Variants in SEMA3A observed in about 807,000 individuals in gnomAD.
The protein encoded by SEMA3A is semaphorin 3A.
Under a neutral mutation model 97.9 loss-of-function variants are expected in SEMA3A, and 29 were observed. The ratio of observed to expected loss-of-function variants is 0.30; its 90% confidence interval spans 0.22 to 0.40. The LOEUF (loss-of-function observed/expected upper bound fraction) is 0.40. SEMA3A is among the 10% of genes least tolerant of loss of function. The pLI is 1.00. For synonymous variants in SEMA3A, 321 were observed against 323.7 expected (o/e 0.99, Z 0.09); for missense variants, 763 against 951.3 (o/e 0.80, Z 2.60).
chr7:84,261,034 G>C (rs507352), intron 3 of SEMA3A, among the ~76,000 whole-genome samples: 55,510 of 151,900 alleles, frequency 0.37, 11,135 homozygotes, highest in Non-Finnish European at 0.46. Context: ...AAACCCCCCA[G>C]ATTCAGCCCA....
chr7:84,137,965 A>C (rs1410002031), intron 1 of SEMA3A, among the ~76,000 whole-genome samples: 1 of 152,168 alleles, frequency 6.6e-6, no homozygotes, highest in African/African-American at 2.4e-5. Context: ...CAAGTTCCTT[A>C]AACTCCCTGG....
intron 2 of SEMA3A, among the ~76,000 whole-genome samples, chr7:84,319,023 C>A (rs1801582572): frequency 6.6e-6 from 1 of 152,128 alleles, no homozygotes; most frequent in East Asian, 1.9e-4. Flanking sequence ...TATTACTGGA[C>A]ATTTATTATA....
intron 1 of SEMA3A, among the ~76,000 whole-genome samples, chr7:84,185,056 G>T (rs1396306263): frequency 6.6e-6 from 1 of 152,010 alleles, no homozygotes; most frequent in Non-Finnish European, 1.5e-5. Flanking sequence ...CTAATAACTG[G>T]TGTTTTAATT....
chr7:84,042,528 C>A (rs943186925), intron 6 of SEMA3A, among the ~76,000 whole-genome samples: 1 of 151,978 alleles, frequency 6.6e-6, no homozygotes, highest in Non-Finnish European at 1.5e-5. Context: ...CGTGCTCCAC[C>A]CAACAGAAGT....
rs1020001219 is a variant in SEMA3A at position 84,175,162 on chromosome 7, T to C, written c.112+19313A>G. Among the ~76,000 whole-genome samples the C allele has an allele frequency of 6.6e-5, 10 of 152,236 alleles. 1 individual carries two copies. In the South Asian group the frequency reaches 1.4e-3, roughly 22 times the overall value. ...ATTCTAGCTTTTTTCCTACTGCTTG[T>C]TCTACTTTGAGCCTTGGTTTCCTTA... On this transcript the variant is annotated intron_variant, in intron 1 of 16. Coordinates refer to ENST00000265362, the MANE Select transcript of SEMA3A (RefSeq NM_006080.3).
chr7:84,276,629 T>C (rs973417659), intron 3 of SEMA3A, among the ~76,000 whole-genome samples: 5 of 152,122 alleles, frequency 3.3e-5, no homozygotes, highest in African/African-American at 1.2e-4. Flanking sequence ...CCATTTGACA[T>C]GGTTCATTCC....
At position 83,975,209 on chromosome 7, in the gene SEMA3A, C is replaced by T. The variant is rs575514862; in HGVS notation, c.1717+1923G>A. On this transcript the variant is annotated intron_variant, in intron 15 of 16. Coordinates refer to ENST00000265362, the MANE Select transcript of SEMA3A (RefSeq NM_006080.3). ...GTTTTTCCCCATATATATTTACACTCATAACTCTAGCATGAATATAATTTT... is the reference window on the plus strand; with the variant it reads ...GTTTTTCCCCATATATATTTACACTTATAACTCTAGCATGAATATAATTTT... Among the ~76,000 whole-genome samples the T allele has an allele frequency of 2.6e-5, 4 of 152,150 alleles. 1 individual carries two copies. In the South Asian group the frequency reaches 8.3e-4, roughly 32 times the overall value.
At chr7:84,395,923 A>C (rs1223637847) in intron 1 of SEMA3A, among the ~76,000 whole-genome samples, 1 of 152,314 alleles carries the variant, frequency 6.6e-6, no homozygotes, top group Non-Finnish European at 1.5e-5. Context: ...GTACAGATTT[A>C]GAAAGAAATC....
chr7:84,442,840 A>G (rs1280579765), intron 1 of SEMA3A, among the ~76,000 whole-genome samples: 1 of 152,154 alleles, frequency 6.6e-6, no homozygotes, highest in Non-Finnish European at 1.5e-5. Context: ...AATATCAGAC[A>G]AAATGGACTA....
At chr7:84,212,628 TTCC>T in intron 3 of SEMA3A, among the ~76,000 whole-genome samples, 1 of 152,304 alleles carries the variant, frequency 6.6e-6, no homozygotes, top group East Asian at 1.9e-4. Context: ...TAGAAAGTGT[TTCC>T]TCTGTTGGAG....
intron 1 of SEMA3A, among the ~76,000 whole-genome samples, chr7:84,457,490 C>T (rs1220525979): frequency 3.3e-5 from 5 of 151,704 alleles, no homozygotes; most frequent in African/African-American, 7.3e-5. Flanking sequence ...ATAGTGCTTA[C>T]GTTATAAAAT....
rs547394971 is a variant in SEMA3A at position 84,408,334 on chromosome 7, C to T, written c.-245-36434G>A. 2.5e-3 allele frequency among the ~76,000 whole-genome samples: 373 copies of T among 152,140 alleles called. 1 individual carries two copies. The highest frequency in any genetic ancestry group is 8.6e-3 in the African/African-American group (357 of 41,508). Reference sequence around the variant, plus strand: ...CCATCAGAGAAATGCAAATCAAAACCACAATGAGATATCATCTCACACCAG... The same window carrying T: ...CCATCAGAGAAATGCAAATCAAAACTACAATGAGATATCATCTCACACCAG... On this transcript the variant is annotated intron_variant, in intron 1 of 3. Coordinates refer to the SEMA3A transcript ENST00000424555.
chr7:84,151,306 C>T (rs1474901531), intron 1 of SEMA3A, among the ~76,000 whole-genome samples: 5 of 151,348 alleles, frequency 3.3e-5, no homozygotes, highest in Non-Finnish European at 5.9e-5. Context: ...TACGGGAGGA[C>T]ATTCAAACCA....
At chr7:84,018,072 T>C (rs965601277) in intron 6 of SEMA3A, among the ~76,000 whole-genome samples, 5 of 152,220 alleles carry the variant, frequency 3.3e-5, no homozygotes, top group African/African-American at 1.2e-4. Flanking sequence ...TATAGATTTA[T>C]TATCAACAAC....
chr7:84,353,274 A>G (rs1161709167), intron 2 of SEMA3A, among the ~76,000 whole-genome samples: 1 of 151,798 alleles, frequency 6.6e-6, no homozygotes, highest in African/African-American at 2.4e-5. Context: ...CCATGGATGC[A>G]GAACCCATGG....
intron 2 of SEMA3A, 106 bp downstream of exon 2, chr7:84,134,688 T>A: frequency 1.1e-6 from 1 of 870,112 alleles, no homozygotes; most frequent in Non-Finnish European, 1.7e-6. Context: ...AACTATTAAT[T>A]CAAAACAATT....
intron 3 of SEMA3A, among the ~76,000 whole-genome samples, chr7:84,245,976 T>G (rs1404762246): frequency 1.3e-5 from 2 of 152,204 alleles, no homozygotes. Flanking sequence ...CCCCAGGTGC[T>G]CTGTCCCAGG....
In SEMA3A at chr7:84,194,421, AG is replaced by A. The variant is rs67227861; in HGVS notation, c.112+53del. Reference sequence around the variant, plus strand: ...GGTTGGGAGGGAGTTCAAGGAATTAAGGGGGGGGGCGGTTATTACAAAGCTA... The same window carrying A: ...GGTTGGGAGGGAGTTCAAGGAATTAAGGGGGGGGCGGTTATTACAAAGCTA... On this transcript the variant is annotated intron_variant, in intron 1 of 16. Coordinates refer to ENST00000265362, the MANE Select transcript of SEMA3A (RefSeq NM_006080.3). 0.55 allele frequency: 625,574 copies of A among 1,135,188 alleles called. 173,913 individuals carry two copies. Among genetic ancestry groups the A allele is most frequent in the Middle Eastern group, 0.59 (2,945 of 4,978 alleles). The allele number at this position is 1,135,188 out of a possible 1,614,324, so 70.3% of individuals were successfully genotyped here.
intron 6 of SEMA3A, among the ~76,000 whole-genome samples, chr7:84,037,390 T>C (rs917984500): frequency 1.3e-5 from 2 of 152,066 alleles, no homozygotes; most frequent in Admixed American, 6.6e-5. Context: ...TGCAGTGGCA[T>C]GATCATGGCT....
Sources: gnomAD v4.1 joint callset for allele counts (sites outside exome capture counted in the v4.1 genomes callset) on GRCh38, gnomAD v4.1.1 for gene constraint, MANE v1.5 for transcripts, NCBI Gene and HGNC (gene_info 2026-07-23, HGNC 2026-07-21) for gene names.